Variants in CFHR2 observed in about 807,000 individuals in gnomAD.
CFHR2 encodes the protein complement factor H related 2.
CFHR2 carries 22 observed loss-of-function variants against 21.7 expected under a neutral mutation model. The observed-to-expected ratio is 1.01, with a 90% CI of 0.72 to 1.45. CFHR2 has a LOEUF of 1.45. CFHR2 is among the 40% of genes most tolerant of loss of function. The pLI is 0.00. For synonymous variants in CFHR2, 98 were observed against 97.4 expected (o/e 1.01, Z -0.04); for missense variants, 294 against 293.3 (o/e 1.00, Z -0.02).
intron 1 of CFHR2, among the ~76,000 whole-genome samples, chr1:196,948,626 T>A (rs966942348): frequency 6.6e-6 from 1 of 152,194 alleles, no homozygotes; most frequent in African/African-American, 2.4e-5. Context: ...CCTAATACAA[T>A]GTAAATGCTA....
chr1:196,950,114 G>A (rs910594538), intron 2 of CFHR2, among the ~76,000 whole-genome samples: 10 of 152,078 alleles, frequency 6.6e-5, no homozygotes, highest in Non-Finnish European at 7.3e-5. Context: ...TAAATGTAGA[G>A]AGCAGACTCC....
intron 3 of CFHR2, among the ~76,000 whole-genome samples, chr1:196,957,632 T>C (rs2125014818): frequency 6.6e-6 from 1 of 152,328 alleles, no homozygotes; most frequent in East Asian, 1.9e-4. Context: ...TTAGCATGTA[T>C]TCATTTAGAA....
intron 4 of CFHR2, 67 bp downstream of exon 4, chr1:196,958,140 T>C (rs1387382808): frequency 1.4e-6 from 2 of 1,476,522 alleles, no homozygotes; most frequent in Non-Finnish European, 1.9e-6. Context: ...TTTCACTGTT[T>C]GTAATAGAAT....
chr1:196,959,067 G>A lies in CFHR2; in HGVS notation c.800G>A (p.Cys267Tyr). ...AATGGGAAACTGGTATATCCCAGTT[G>A]TGAAGAAAAATAGAATCAATGGCAT... ...CQNGKLVYPS[C>Y]EEK Residue 267 changes from cysteine (C) to tyrosine (Y), a missense_variant, in exon 5 of 5, where the codon TGT (cysteine) becomes TAT (tyrosine). By Grantham distance (194) the Cys-to-Tyr change is radical (BLOSUM62 -2). Coordinates refer to ENST00000367415, the MANE Select transcript of CFHR2 (RefSeq NM_005666.4). 1.9e-6 allele frequency: 3 copies of A among 1,601,402 alleles called. No homozygotes were observed. Among genetic ancestry groups the A allele is most frequent in the Non-Finnish European group, 2.6e-6 (3 of 1,173,152 alleles).
chr1:196,950,249 T>C (rs142761158), intron 2 of CFHR2, among the ~76,000 whole-genome samples: 1 of 152,136 alleles, frequency 6.6e-6, no homozygotes, highest in Non-Finnish European at 1.5e-5. Context: ...TAGATATATG[T>C]AGATGTTCTT....
chr1:196,946,445 C>A (rs941187433), intron 1 of CFHR2, among the ~76,000 whole-genome samples: 2 of 152,036 alleles, frequency 1.3e-5, no homozygotes, highest in African/African-American at 4.8e-5. Flanking sequence ...ATTTTTATGT[C>A]TTTCGAGATA....
At position 196,959,604 on chromosome 1, in the gene CFHR2, T is replaced by C. The variant is rs1653036937; in HGVS notation, c.*524T>C. ...CTTTCAGAGCTTGTAACTATGTATA[T>C]CCACATAAATAATCAAAATAATTTG... On this transcript the variant is annotated 3_prime_UTR_variant, in exon 5 of 5. Coordinates refer to ENST00000367415, the MANE Select transcript of CFHR2 (RefSeq NM_005666.4). 6.6e-6 allele frequency among the ~76,000 whole-genome samples: 1 copy of C among 152,086 alleles called. No homozygotes were observed. Among genetic ancestry groups the C allele is most frequent in the Non-Finnish European group, 1.5e-5 (1 of 67,962 alleles).
At chr1:196,953,513 C>T (rs1175106200) in intron 3 of CFHR2, among the ~76,000 whole-genome samples, 1 of 152,144 alleles carries the variant, frequency 6.6e-6, no homozygotes. Flanking sequence ...CAACTCCCAA[C>T]CTCAGGCGAT....
At chr1:196,946,378 T>A (rs1376854639) in intron 1 of CFHR2, among the ~76,000 whole-genome samples, 1 of 152,012 alleles carries the variant, frequency 6.6e-6, no homozygotes, top group Non-Finnish European at 1.5e-5. Flanking sequence ...TTTTAAACTT[T>A]TCTTCGATAA....
At chr1:196,950,664 G>C (rs1659690380) in intron 2 of CFHR2, among the ~76,000 whole-genome samples, 188 bp from the exon 3 acceptor site, 1 of 151,994 alleles carries the variant, frequency 6.6e-6, no homozygotes, top group South Asian at 2.1e-4. Flanking sequence ...GTAGAAACAG[G>C]GTTTCACCAT....
chr1:196,945,939 C>A (rs934660746), intron 1 of CFHR2, among the ~76,000 whole-genome samples: 1 of 151,558 alleles, frequency 6.6e-6, no homozygotes, highest in Admixed American at 6.6e-5. Flanking sequence ...GGTAACTAGG[C>A]CATATGGTAT....
At chr1:196,950,216 A>G (rs1659673112) in intron 2 of CFHR2, among the ~76,000 whole-genome samples, 4 of 152,164 alleles carry the variant, frequency 2.6e-5, no homozygotes, top group African/African-American at 9.7e-5. Context: ...CCTAAGAAAC[A>G]TTTATGAGAG....
At chr1:196,950,717 C>A in intron 2 of CFHR2, 135 bp from the exon 3 acceptor site, 1 of 948,364 alleles carries the variant, frequency 1.1e-6, no homozygotes, top group South Asian at 1.6e-5. Context: ...AAATGATCCA[C>A]TCACCTCAGC....
In CFHR2 at chr1:196,950,857, T is replaced by C; in HGVS notation, c.259T>C (p.Cys87Arg). 1 of 1,613,296 alleles carries C rather than the reference T, an allele frequency of 6.2e-7. No homozygotes were observed. Among genetic ancestry groups the C allele is most frequent in the East Asian group, 2.2e-5 (1 of 44,876 alleles). ...WSPTPKCLRL[C>R]FFPFVENGHS... is the part of the protein sequence containing the mutation. Reference sequence around the variant, plus strand: ...AATCTGTTTTTGGTCTTTAGGACTGTGTTTCTTTCCTTTTGTGGAAAATGG... The same window carrying C: ...AATCTGTTTTTGGTCTTTAGGACTGCGTTTCTTTCCTTTTGTGGAAAATGG... Residue 87 changes from cysteine to arginine, a missense_variant, in exon 3 of 5, where the codon TGT (cysteine) becomes CGT (arginine). Transcript: ENST00000367415.
chr1:196,949,363 GA>G (rs551637161), intron 1 of CFHR2, 91 bp from the exon 2 acceptor site: 48 of 1,312,952 alleles, frequency 3.7e-5, no homozygotes, highest in Non-Finnish European at 4.5e-5. Flanking sequence ...CTAAATGAAA[GA>G]AAAAAACTAA....
intron 2 of CFHR2, among the ~76,000 whole-genome samples, chr1:196,950,263 T>C (rs952413663): frequency 6.6e-6 from 1 of 152,100 alleles, no homozygotes; most frequent in Non-Finnish European, 1.5e-5. Context: ...TGTTCTTTTG[T>C]CCCTAAAAGA....
At position 196,958,982 on chromosome 1, in the gene CFHR2, T is replaced by C. The variant is rs1653012840; in HGVS notation, c.715T>C (p.Phe239Leu). 1 of 1,611,858 alleles carries C rather than the reference T, an allele frequency of 6.2e-7. No individual in the cohort carries two copies. The highest frequency in any genetic ancestry group is 8.5e-7 in the Non-Finnish European group (1 of 1,178,416). The change falls in exon 5 of 5, where the codon TTT (phenylalanine) becomes CTT (leucine). Residue 239 changes from phenylalanine (F) to leucine (L), a missense_variant. Transcript: ENST00000367415. ...LYSRTGDIVEFVCKSGYHPTK... is the reference protein window; with the variant it reads ...LYSRTGDIVELVCKSGYHPTK... The stretch of plus-strand genomic sequence containing the variant: ...TTCAAGAACAGGTGACATAGTTGAA[T>C]TTGTTTGTAAATCTGGATATCATCC...
At chr1:196,951,859 G>T (rs1316996982) in intron 3 of CFHR2, among the ~76,000 whole-genome samples, 1 of 152,118 alleles carries the variant, frequency 6.6e-6, no homozygotes, top group Middle Eastern at 3.2e-3. Context: ...TCTAGAAAAG[G>T]CCTGTCAGCA....
rs145690324 is a variant in CFHR2, at chr1:196,949,465, T to C, written c.69T>C (p.Cys23=). The C allele has an allele frequency of 3.7e-5, 59 of 1,612,672 alleles. No individual in the cohort carries two copies. Among genetic ancestry groups the C allele is most frequent in the Non-Finnish European group, 1.1e-5 (13 of 1,179,322 alleles). The part of the protein sequence containing the change: ...ISSVGGEAMF[C]DFPKINHGIL... Reference sequence around the variant, plus strand: ...GTGTTATTTTCCCAGCAATGTTCTGTGATTTTCCAAAAATAAACCATGGAA... The same window carrying C: ...GTGTTATTTTCCCAGCAATGTTCTGCGATTTTCCAAAAATAAACCATGGAA... Residue 23 remains cysteine (C), a synonymous_variant, in exon 2 of 5, where the codon TGT becomes TGC. Transcript: ENST00000367415.
Sources: allele counts gnomAD v4.1 joint callset (sites outside exome capture counted in the v4.1 genomes callset), GRCh38; gene constraint gnomAD v4.1.1; transcripts MANE v1.5; gene names NCBI Gene and HGNC (gene_info 2026-07-23, HGNC 2026-07-21).